DPP10: variants seen among roughly 807,000 people sequenced by gnomAD.
The protein encoded by DPP10 is dipeptidyl peptidase like 10, also known as inactive dipeptidyl peptidase 10.
A neutral mutation model predicts 120.9 loss-of-function variants in DPP10; 33 were observed. The observed-to-expected ratio is 0.27, with a 90% confidence interval of 0.21 to 0.37. The LOEUF (loss-of-function observed/expected upper bound fraction) is 0.37. Among genes scored for constraint, DPP10 ranks in the 10% least tolerant of loss-of-function variants. The pLI is 1.00. For synonymous variants in DPP10, 337 were observed against 326.1 expected (o/e 1.03, Z -0.36); for missense variants, 816 against 942.8 (o/e 0.87, Z 1.76).
intron 2 of DPP10, among the ~76,000 whole-genome samples, chr2:115,316,796 A>T (rs1181550352): frequency 6.6e-6 from 1 of 152,068 alleles, no homozygotes; most frequent in East Asian, 1.9e-4. Context: ...GGTCTCTGAG[A>T]AGTCAGGTTT....
At chr2:115,746,713 A>G (rs1678026973) in intron 10 of DPP10, among the ~76,000 whole-genome samples, 1 of 152,174 alleles carries the variant, frequency 6.6e-6, no homozygotes, top group South Asian at 2.1e-4. Flanking sequence ...TTGGGTCAGA[A>G]GCATAATTGT....
intron 1 of DPP10, among the ~76,000 whole-genome samples, chr2:114,734,463 A>G (rs1677225909): frequency 6.6e-6 from 1 of 152,184 alleles, no homozygotes; most frequent in African/African-American, 2.4e-5. Flanking sequence ...ATAGCCTGGA[A>G]ACCCCCACTT....
intron 3 of DPP10, among the ~76,000 whole-genome samples, chr2:115,488,783 T>C (rs1439397232): frequency 2.3e-5 from 3 of 128,264 alleles, no homozygotes; most frequent in African/African-American, 6.0e-5. Flanking sequence ...TAATGCTAGA[T>C]GACACATTAG....
At chr2:114,594,869 T>A (rs1946544) in intron 1 of DPP10, among the ~76,000 whole-genome samples, 150,963 of 151,496 alleles carry the variant, frequency 1, 75,220 homozygotes, top group Middle Eastern at 1. Flanking sequence ...ACCTTTCCTG[T>A]CTCTGTGGTG....
At chr2:115,448,349 A>G (rs1257468303) in intron 3 of DPP10, among the ~76,000 whole-genome samples, 1 of 152,186 alleles carries the variant, frequency 6.6e-6, no homozygotes, top group Non-Finnish European at 1.5e-5. Context: ...GACAAACACT[A>G]CCATAAGATG....
chr2:115,426,041 G>A (rs13021167), intron 3 of DPP10, among the ~76,000 whole-genome samples: 68,514 of 146,244 alleles, frequency 0.47, 18,974 homozygotes, highest in Non-Finnish European at 0.62. Context: ...TGCCACCTCC[G>A]ACACTGGAGA....
intron 1 of DPP10, among the ~76,000 whole-genome samples, chr2:115,004,895 A>G (rs555206078): frequency 6.6e-6 from 1 of 152,280 alleles, no homozygotes; most frequent in Admixed American, 6.5e-5. Context: ...CTGCCTGTGT[A>G]GGCTCCACCT....
intron 1 of DPP10, among the ~76,000 whole-genome samples, chr2:115,174,703 C>T (rs1031351143): frequency 7.2e-4 from 109 of 152,242 alleles, no homozygotes; most frequent in African/African-American, 2.5e-3. Flanking sequence ...TTACAGTTCT[C>T]GAATTGTTTT....
chr2:115,748,020 C>A (rs1312203838), intron 10 of DPP10, among the ~76,000 whole-genome samples: 7 of 151,838 alleles, frequency 4.6e-5, no homozygotes, highest in Non-Finnish European at 1.0e-4. Context: ...ATTTTTTTTA[C>A]CTATTTGTAT....
At chr2:115,318,638 T>A (rs1200281804) in intron 2 of DPP10, among the ~76,000 whole-genome samples, 2 of 152,120 alleles carry the variant, frequency 1.3e-5, no homozygotes, top group Non-Finnish European at 2.9e-5. Context: ...TTTTTCATAC[T>A]TGGTTAAATT....
intron 1 of DPP10, among the ~76,000 whole-genome samples, chr2:114,805,224 C>T (rs963806260): frequency 6.6e-6 from 1 of 152,168 alleles, no homozygotes; most frequent in Non-Finnish European, 1.5e-5. Context: ...TTCCCAGTCT[C>T]AGATATGTCT....
intron 1 of DPP10, among the ~76,000 whole-genome samples, chr2:115,207,060 C>G (rs1261848641): frequency 6.6e-6 from 1 of 152,138 alleles, no homozygotes; most frequent in Non-Finnish European, 1.5e-5. Context: ...ACATCCGAAT[C>G]TCCTTTTTGT....
At chr2:114,878,023 A>G (rs1691299735) in intron 1 of DPP10, among the ~76,000 whole-genome samples, 2 of 152,138 alleles carry the variant, frequency 1.3e-5, no homozygotes, top group Non-Finnish European at 2.9e-5. Flanking sequence ...TTATGTCCAG[A>G]TGATAAATTA....
At chr2:114,650,637 C>G (rs1238870616) in intron 1 of DPP10, among the ~76,000 whole-genome samples, 2 of 152,032 alleles carry the variant, frequency 1.3e-5, no homozygotes, top group African/African-American at 2.4e-5. Flanking sequence ...GATAAGGAGT[C>G]TAAGAAACCT....
chr2:115,126,946 T>G (rs2050112445), intron 1 of DPP10, among the ~76,000 whole-genome samples: 1 of 152,166 alleles, frequency 6.6e-6, no homozygotes, highest in Non-Finnish European at 1.5e-5. Flanking sequence ...AATAGCATAT[T>G]TTTTTGAAAT....
chr2:114,793,513 T>TA, intron 1 of DPP10, among the ~76,000 whole-genome samples: 1 of 152,294 alleles, frequency 6.6e-6, no homozygotes, highest in South Asian at 2.1e-4. Context: ...AATGTTCACC[T>TA]AAAAAACAGA....
chr2:114,850,156 G>C (rs1049775364), intron 1 of DPP10, among the ~76,000 whole-genome samples: 1 of 151,400 alleles, frequency 6.6e-6, no homozygotes, highest in Non-Finnish European at 1.5e-5. Flanking sequence ...AAGTAGCTGG[G>C]ACTATAGGTG....
intron 1 of DPP10, among the ~76,000 whole-genome samples, chr2:114,791,637 TCCA>T (rs1683250864): frequency 6.6e-6 from 1 of 152,154 alleles, no homozygotes; most frequent in Non-Finnish European, 1.5e-5. Context: ...ATGACAGCCA[TCCA>T]CCTTTATTGG....
At chr2:115,111,117 C>G (rs1427684036) in intron 1 of DPP10, among the ~76,000 whole-genome samples, 1 of 152,088 alleles carries the variant, frequency 6.6e-6, no homozygotes, top group Non-Finnish European at 1.5e-5. Flanking sequence ...AGATAATGTC[C>G]CAAGCATACA....
Sources: allele counts gnomAD v4.1 joint callset (sites outside exome capture counted in the v4.1 genomes callset), GRCh38; gene constraint gnomAD v4.1.1; transcripts MANE v1.5; gene names NCBI Gene and HGNC (gene_info 2026-07-23, HGNC 2026-07-21).